Variants in CD8A observed in about 807,000 individuals in gnomAD.
CD8A encodes the protein T-cell surface glycoprotein CD8 alpha chain.
A neutral mutation model predicts 24.2 loss-of-function variants in CD8A; 25 were observed. That is an observed-to-expected ratio of 1.03 (90% confidence interval 0.75 to 1.44). The LOEUF is 1.44. Among genes scored for constraint, CD8A ranks in the 40% most tolerant of loss-of-function variants. The pLI is 0.00. For missense variants in CD8A, 360 were observed against 319.7 expected (o/e 1.13, Z -0.96); for synonymous variants, 165 against 149.9 (o/e 1.10, Z -0.74).
chr2:86,796,101 A>G (rs1673474328), intron 3 of CD8A, among the ~76,000 whole-genome samples: 4 of 152,236 alleles, frequency 2.6e-5, no homozygotes, highest in Admixed American at 2.0e-4. Flanking sequence ...AAACAAGGAT[A>G]TACTCTAGGT....
chr2:86,807,706 A>T (rs1226005129), exon 2 of CD8A: 1 of 152,840 alleles, frequency 6.5e-6, no homozygotes, highest in Non-Finnish European at 1.5e-5. Context: ...AGCCCAGCGG[A>T]GCGCCACCCG....
At chr2:86,788,078 T>C (rs1388387938) in intron 5 of CD8A, among the ~76,000 whole-genome samples, 3 of 152,026 alleles carry the variant, frequency 2.0e-5, no homozygotes, top group Non-Finnish European at 4.4e-5. Context: ...GCCATTATTA[T>C]TTTGGTTCAG....
chr2:86,789,601 G>T, intron 3 of CD8A, 39 bp downstream of exon 3: 2 of 1,427,044 alleles, frequency 1.4e-6, no homozygotes, highest in Non-Finnish European at 1.9e-6. Context: ...TCTCCCCGCG[G>T]TGCGTGCCGC....
At chr2:86,799,573 G>A (rs1049969741) in intron 3 of CD8A, among the ~76,000 whole-genome samples, 2 of 151,770 alleles carry the variant, frequency 1.3e-5, no homozygotes, top group African/African-American at 4.8e-5. Context: ...TGGCTAACAC[G>A]GTGAAACCCC....
chr2:86,789,100 GGA>G (rs1022248138), intron 4 of CD8A, among the ~76,000 whole-genome samples: 2 of 152,210 alleles, frequency 1.3e-5, no homozygotes, highest in African/African-American at 4.8e-5. Context: ...AGCGGCTCTG[GGA>G]ACGCGGCTTT....
At chr2:86,791,095 A>T, upstream of CD8A, 1 of 692,594 alleles carries the variant, frequency 1.4e-6, no homozygotes, top group East Asian at 2.7e-5. Context: ...GCAGCTGAAA[A>T]CTGCGGGTTT....
rs2104437794 is a variant in CD8A, at chr2:86,789,771, G to A, written c.404-21C>T. 3.0e-6 allele frequency: 4 copies of A among 1,324,960 alleles called. No individual in the cohort carries two copies. In the Admixed American group the frequency reaches 1.1e-4, roughly 37 times the overall value. The allele number at this position is 1,324,960 out of a possible 1,614,324, so 82.1% of individuals were successfully genotyped here. ...CTTCGCTGCAAGAGCAACAGAGCGT[G>A]GTTGGGGGCCAGGCTGGGGTTATGG... On this transcript the variant is annotated intron_variant, in intron 2 of 5. Transcript: ENST00000283635.
intron 4 of CD8A, among the ~76,000 whole-genome samples, chr2:86,789,041 GA>G (rs1307242056): frequency 1.3e-5 from 2 of 152,342 alleles, no homozygotes; most frequent in East Asian, 3.9e-4. Flanking sequence ...CATGTGTCCA[GA>G]CATGTGCGCG....
intron 3 of CD8A, among the ~76,000 whole-genome samples, chr2:86,799,618 C>T (rs776044136): frequency 6.9e-4 from 105 of 152,134 alleles, no homozygotes; most frequent in Middle Eastern, 3.4e-3. Flanking sequence ...TAGCCGGGCA[C>T]GGTGGCGGGC....
chr2:86,800,770 C>A (rs991945690), intron 3 of CD8A, among the ~76,000 whole-genome samples: 2 of 152,186 alleles, frequency 1.3e-5, no homozygotes, highest in African/African-American at 2.4e-5. Flanking sequence ...GATTTGGCAA[C>A]TATCACAGGT....
intron 3 of CD8A, among the ~76,000 whole-genome samples, chr2:86,796,397 A>G (rs1275094454): frequency 6.6e-6 from 1 of 152,260 alleles, no homozygotes; most frequent in Non-Finnish European, 1.5e-5. Flanking sequence ...ATCTTTGCAC[A>G]TATCAAGGTG....
chr2:86,787,898 A>AGAGAGAGAGAGTGTGT (rs369993109), intron 5 of CD8A, among the ~76,000 whole-genome samples: 22 of 144,598 alleles, frequency 1.5e-4, no homozygotes, highest in African/African-American at 5.1e-4. Context: ...AGAGAGAGAG[A>AGAGAGAGAGAGTGTGT]GTGTGTGTGT....
At position 86,785,948 on chromosome 2, in the gene CD8A, T is replaced by G; in HGVS notation, c.680A>C (p.Lys227Thr). ...GACGTATCTCGCCGAAAGGCTGGGC[T>G]TGTCTCCCGATTTGACCACAGGCCT... Reference protein sequence around the residue: ...CPRPVVKSGDKPSLSARYV With the variant: ...CPRPVVKSGDTPSLSARYV The change falls in exon 6 of 6, where the codon AAG becomes ACG. Residue 227 changes from lysine to threonine, a missense_variant. Lys to Thr is a moderately conservative substitution (Grantham distance 78, BLOSUM62 -1). Transcript: ENST00000283635. The G allele has an allele frequency of 6.2e-7, 1 of 1,613,990 alleles. No individual in the cohort carries two copies. Among genetic ancestry groups the G allele is most frequent in the Non-Finnish European group, 8.5e-7 (1 of 1,179,834 alleles).
In CD8A at chr2:86,786,560, T is replaced by C. The variant is rs547097538; in HGVS notation, c.657-589A>G. Among the ~76,000 whole-genome samples, 3 of 152,330 alleles carry C rather than the reference T, an allele frequency of 2.0e-5. No homozygotes were observed. The East Asian group carries it at 5.8e-4, about 29-fold the overall frequency. On this transcript the variant is annotated intron_variant, in intron 5 of 5. Transcript: ENST00000283635. ...GGCCCACCATCATCACTGAGTATAT[T>C]AACTCGGGTGTTGGAATTTCCCAGG...
At chr2:86,806,058 T>C (rs1323856258) in intron 2 of CD8A, among the ~76,000 whole-genome samples, 1 of 152,214 alleles carries the variant, frequency 6.6e-6, no homozygotes, top group Non-Finnish European at 1.5e-5. Flanking sequence ...GTGGAAACTT[T>C]TCTTTTTGCA....
intron 3 of CD8A, among the ~76,000 whole-genome samples, chr2:86,799,710 C>T (rs1213654529): frequency 2.6e-5 from 4 of 151,870 alleles, no homozygotes; most frequent in African/African-American, 9.7e-5. Context: ...GAGCCAAGAT[C>T]ACACCACTGC....
rs1673268085 is a variant in CD8A, at chr2:86,790,817, T to G, written c.9A>C (p.Leu3Phe). 6.5e-7 allele frequency: 1 copy of G among 1,537,430 alleles called. No homozygotes were observed. The highest frequency in any genetic ancestry group is 8.7e-7 in the Non-Finnish European group (1 of 1,145,166). Reference sequence around the variant, plus strand: ...GCGGCAGGAGCAAGGCGGTCACTGGTAAGGCCATGACGCGCTCCCCAGGAC... The same window carrying G: ...GCGGCAGGAGCAAGGCGGTCACTGGGAAGGCCATGACGCGCTCCCCAGGAC... MALPVTALLLPLA... is the reference protein window; with the variant it reads MAFPVTALLLPLA... The change falls in exon 1 of 6, where the codon TTA (leucine) becomes TTC (phenylalanine). Residue 3 changes from leucine (L) to phenylalanine (F), a missense_variant. Coordinates refer to ENST00000283635, the MANE Select transcript of CD8A (RefSeq NM_001768.7).
At chr2:86,804,085 CTAAG>C (rs983511805) in intron 2 of CD8A, among the ~76,000 whole-genome samples, 2 of 152,142 alleles carry the variant, frequency 1.3e-5, no homozygotes, top group African/African-American at 4.8e-5. Context: ...AAATGGGTAA[CTAAG>C]TGAGATGATG....
chr2:86,790,004 G>A (rs1673207654), intron 2 of CD8A, among the ~76,000 whole-genome samples: 1 of 152,202 alleles, frequency 6.6e-6, no homozygotes, highest in Admixed American at 6.5e-5. Flanking sequence ...TCTCTCCCGG[G>A]CTGAACCAGC....
Sources: gnomAD v4.1 joint callset for allele counts (sites outside exome capture counted in the v4.1 genomes callset) on GRCh38, gnomAD v4.1.1 for gene constraint, MANE v1.5 for transcripts, NCBI Gene and HGNC (gene_info 2026-07-23, HGNC 2026-07-21) for gene names.